COL25A1: variants seen among roughly 807,000 people sequenced by gnomAD.
The protein encoded by COL25A1 is collagen alpha-1(XXV) chain.
Under a neutral mutation model 128.4 loss-of-function variants are expected in COL25A1, and 103 were observed. The ratio of observed to expected loss-of-function variants is 0.80; its 90% CI spans 0.68 to 0.94. The LOEUF is 0.94. COL25A1 is among the 40% of genes least tolerant of loss of function. The pLI is 0.00. For synonymous variants in COL25A1, 279 were observed against 277.2 expected (o/e 1.01, Z -0.06); for missense variants, 745 against 840.0 (o/e 0.89, Z 1.40).
intron 5 of COL25A1, among the ~76,000 whole-genome samples, chr4:109,046,134 C>T (rs1760404818): frequency 6.6e-6 from 1 of 152,160 alleles, no homozygotes; most frequent in Non-Finnish European, 1.5e-5. Flanking sequence ...TAATTAACCT[C>T]TATGAGCCTC....
At chr4:109,117,172 C>T (rs751399307) in intron 3 of COL25A1, among the ~76,000 whole-genome samples, 7 of 151,822 alleles carry the variant, frequency 4.6e-5, no homozygotes, top group Non-Finnish European at 1.0e-4. Context: ...AGGATAAATG[C>T]CCCCACACTA....
chr4:109,084,752 T>G (rs889093842), intron 3 of COL25A1, among the ~76,000 whole-genome samples: 45 of 152,234 alleles, frequency 3.0e-4, no homozygotes, highest in African/African-American at 9.7e-4. Context: ...TCTCTCATTT[T>G]GTATAAATCA....
At chr4:108,910,794 T>C (rs952079053) in intron 13 of COL25A1, among the ~76,000 whole-genome samples, 3 of 152,200 alleles carry the variant, frequency 2.0e-5, no homozygotes, top group African/African-American at 7.2e-5. Flanking sequence ...CTAAGATGCC[T>C]ATAACATTTA....
intron 3 of COL25A1, among the ~76,000 whole-genome samples, chr4:109,256,110 G>T (rs1781069910): frequency 6.6e-6 from 1 of 151,772 alleles, no homozygotes; most frequent in South Asian, 2.1e-4. Context: ...GTGTGTGTGT[G>T]TGTGTGTGTG....
At chr4:109,186,203 A>G (rs933380714) in intron 3 of COL25A1, among the ~76,000 whole-genome samples, 1 of 152,158 alleles carries the variant, frequency 6.6e-6, no homozygotes, top group Non-Finnish European at 1.5e-5. Context: ...TGCTTTAGAG[A>G]AACGACTCCA....
chr4:108,827,218 T>C (rs753554010), intron 32 of COL25A1, 30 bp from the exon 33 acceptor site: 1 of 1,585,434 alleles, frequency 6.3e-7, no homozygotes, highest in Non-Finnish European at 8.7e-7. Context: ...GTTCAAATCA[T>C]ACACACCCAC....
At chr4:109,201,155 A>G (rs1026708773) in intron 3 of COL25A1, among the ~76,000 whole-genome samples, 3 of 152,172 alleles carry the variant, frequency 2.0e-5, no homozygotes, top group South Asian at 2.1e-4. Context: ...TTCAGTACTA[A>G]CTTAACACAA....
chr4:109,254,505 A>ATATATATATATATATATATGTG (rs1383703429), intron 3 of COL25A1, among the ~76,000 whole-genome samples: 86 of 104,976 alleles, frequency 8.2e-4, no homozygotes, highest in East Asian at 1.2e-3. Context: ...ATATATATAT[A>ATATATATATATATATATATGTG]TGTATGTGTG....
intron 3 of COL25A1, among the ~76,000 whole-genome samples, chr4:109,095,595 T>C (rs566270059): frequency 1.3e-5 from 2 of 152,290 alleles, no homozygotes; most frequent in African/African-American, 4.8e-5. Flanking sequence ...GCAGAGACAA[T>C]GCATGCACAA....
chr4:109,088,953 G>A (rs1227493593), intron 3 of COL25A1, among the ~76,000 whole-genome samples: 1 of 152,158 alleles, frequency 6.6e-6, no homozygotes, highest in Non-Finnish European at 1.5e-5. Context: ...ACCACGTACA[G>A]CAAAGAGAAA....
chr4:109,219,128 G>A (rs1778248825), intron 3 of COL25A1, among the ~76,000 whole-genome samples: 1 of 152,100 alleles, frequency 6.6e-6, no homozygotes. Flanking sequence ...TTGGAATTCT[G>A]CAAGCATAAA....
At chr4:108,886,484 G>GTTT (rs1392899230) in intron 18 of COL25A1, among the ~76,000 whole-genome samples, 3 of 82,736 alleles carry the variant, frequency 3.6e-5, no homozygotes, top group African/African-American at 8.2e-5. Flanking sequence ...GTGTGTGTGT[G>GTTT]TGTGTGTGTT....
intron 19 of COL25A1, among the ~76,000 whole-genome samples, chr4:108,878,780 T>C (rs1231388929): frequency 6.6e-6 from 1 of 152,188 alleles, no homozygotes; most frequent in Non-Finnish European, 1.5e-5. Context: ...ATATTCCTTG[T>C]ATTTATTGGA....
intron 3 of COL25A1, among the ~76,000 whole-genome samples, chr4:109,135,287 C>G (rs1248358156): frequency 6.6e-6 from 1 of 152,106 alleles, no homozygotes; most frequent in Non-Finnish European, 1.5e-5. Flanking sequence ...TGAAAAGAAA[C>G]TACTCTTTGA....
intron 8 of COL25A1, among the ~76,000 whole-genome samples, chr4:108,971,230 C>A (rs562799194): frequency 9.2e-5 from 14 of 152,106 alleles, no homozygotes; most frequent in Non-Finnish European, 2.1e-4. Context: ...AAATTATCAG[C>A]TTCTTGAGGG....
chr4:109,302,134 A>C, intron 1 of COL25A1, 35 bp downstream of exon 1: 1 of 1,336,038 alleles, frequency 7.5e-7, no homozygotes, highest in South Asian at 1.5e-5. Context: ...CTGCACAACT[A>C]GTTGGTGGAG....
At chr4:108,934,147 T>C (rs1196028086) in intron 11 of COL25A1, among the ~76,000 whole-genome samples, 1 of 152,080 alleles carries the variant, frequency 6.6e-6, no homozygotes, top group Non-Finnish European at 1.5e-5. Flanking sequence ...TGGAATACTA[T>C]GCAGCCATAA....
chr4:108,985,501 A>G (rs1753582910), intron 6 of COL25A1, among the ~76,000 whole-genome samples: 1 of 152,208 alleles, frequency 6.6e-6, no homozygotes, highest in African/African-American at 2.4e-5. Context: ...AATAGACGTC[A>G]TATTTTTACG....
chr4:108,827,023 T>C (rs1185643833), intron 33 of COL25A1, 112 bp downstream of exon 33: 1 of 871,744 alleles, frequency 1.1e-6, no homozygotes. Context: ...ATGAGTGGAT[T>C]GTTGTTTCTT....
Sources: allele counts gnomAD v4.1 joint callset (sites outside exome capture counted in the v4.1 genomes callset), GRCh38; gene constraint gnomAD v4.1.1; transcripts MANE v1.5; gene names NCBI Gene and HGNC (gene_info 2026-07-23, HGNC 2026-07-21).